SPECC1L: variants seen among roughly 807,000 people sequenced by gnomAD.
SPECC1L encodes cytospin-A.
In SPECC1L, 40 loss-of-function variants were observed where a neutral mutation model predicts 116.8. The ratio of observed to expected loss-of-function variants is 0.34; its 90% CI spans 0.27 to 0.45. The LOEUF is 0.45. SPECC1L is among the 20% of genes least tolerant of loss of function. The pLI is 1.00. For synonymous variants in SPECC1L, 504 were observed against 500.6 expected, an observed-to-expected ratio of 1.01 and a Z score of -0.09; for missense variants, 1,110 against 1,373.6, an observed-to-expected ratio of 0.81 and a Z score of 3.03.
chr22:24,363,469 C>A, intron 12 of SPECC1L, 125 bp downstream of exon 12: 1 of 843,254 alleles, frequency 1.2e-6, no homozygotes, highest in Non-Finnish European at 2.0e-6. Context: ...TCAAGCTGTC[C>A]TCTCACCTTG....
chr22:24,291,518 G>T (rs1330418591), intron 2 of SPECC1L, among the ~76,000 whole-genome samples: 1 of 152,130 alleles, frequency 6.6e-6, no homozygotes, highest in African/African-American at 2.4e-5. Context: ...TAAGTAGTAG[G>T]TAAAAACAAT....
chr22:24,289,696 C>G (rs62233074), intron 2 of SPECC1L, among the ~76,000 whole-genome samples: 1 of 150,304 alleles, frequency 6.7e-6, no homozygotes, highest in African/African-American at 2.4e-5. Flanking sequence ...ATAACTACCT[C>G]CTTTTTTTTT....
intron 4 of SPECC1L, among the ~76,000 whole-genome samples, chr22:24,320,086 C>T (rs1905471899): frequency 6.6e-6 from 1 of 152,122 alleles, no homozygotes; most frequent in Non-Finnish European, 1.5e-5. Flanking sequence ...CCAGCCTGGC[C>T]AACATGGTGA....
At chr22:24,320,741 G>A (rs2040704511) in intron 4 of SPECC1L, among the ~76,000 whole-genome samples, 1 of 152,174 alleles carries the variant, frequency 6.6e-6, no homozygotes, top group Non-Finnish European at 1.5e-5. Flanking sequence ...GCATTTTATG[G>A]TGTTAAAACT....
chr22:24,283,250 T>G (rs886082689), intron 2 of SPECC1L, among the ~76,000 whole-genome samples: 1 of 151,696 alleles, frequency 6.6e-6, no homozygotes, highest in African/African-American at 2.4e-5. Flanking sequence ...GGCTAATTTT[T>G]TGTCTTTTTA....
chr22:24,302,898 C>T (rs1206512209), intron 3 of SPECC1L, among the ~76,000 whole-genome samples: 1 of 152,114 alleles, frequency 6.6e-6, no homozygotes, highest in African/African-American at 2.4e-5. Flanking sequence ...CTGTCACCAC[C>T]ACAAATTGCT....
chr22:24,330,528 ATACT>A (rs2040916842), intron 8 of SPECC1L, 97 bp downstream of exon 8: 4 of 1,343,486 alleles, frequency 3.0e-6, no homozygotes, highest in East Asian at 4.7e-5. Context: ...GTGGAGTTTG[ATACT>A]TACTGAGTTT....
intron 11 of SPECC1L, among the ~76,000 whole-genome samples, chr22:24,351,328 C>T (rs1269930178): frequency 2.0e-5 from 3 of 152,182 alleles, no homozygotes; most frequent in Non-Finnish European, 2.9e-5. Context: ...CAAAGACTAC[C>T]GTTTAATTAT....
At chr22:24,330,234 A>C in intron 7 of SPECC1L, 22 bp from the exon 8 acceptor site, 3 of 1,612,972 alleles carry the variant, frequency 1.9e-6, no homozygotes, top group African/African-American at 1.3e-5. Flanking sequence ...TTTGGAAATA[A>C]AAAGTTAGTT....
chr22:24,405,996 G>A (rs1032530572), intron 14 of SPECC1L, among the ~76,000 whole-genome samples: 3 of 152,136 alleles, frequency 2.0e-5, no homozygotes, highest in Admixed American at 6.5e-5. Flanking sequence ...ACCCCTGTCC[G>A]CAAGCTTCAT....
chr22:24,318,959 C>T (rs537064605), intron 4 of SPECC1L, among the ~76,000 whole-genome samples: 3 of 151,732 alleles, frequency 2.0e-5, no homozygotes, highest in Admixed American at 2.0e-4. Flanking sequence ...CCATTTTTGG[C>T]CTCCGTATAC....
At chr22:24,277,913 A>T (rs2048868328) in intron 2 of SPECC1L, among the ~76,000 whole-genome samples, 1 of 152,244 alleles carries the variant, frequency 6.6e-6, no homozygotes, top group Admixed American at 6.5e-5. Flanking sequence ...CTGGGAATTG[A>T]ATTGCTGGGT....
At position 24,401,789 on chromosome 22, in the gene SPECC1L, G is replaced by C. The variant is rs145040542; in HGVS notation, c.3088-9799G>C. Reference sequence around the variant, plus strand: ...TTGGCTGTGGATTCAGATCACCTGGGTACCTTTAAAGAACATTATGCCCTG... The same window carrying C: ...TTGGCTGTGGATTCAGATCACCTGGCTACCTTTAAAGAACATTATGCCCTG... On this transcript the variant is annotated intron_variant, in intron 14 of 16. Coordinates refer to ENST00000314328, the MANE Select transcript of SPECC1L (RefSeq NM_015330.6). Among the ~76,000 whole-genome samples the C allele has an allele frequency of 3.6e-4, 55 of 152,248 alleles. No individual in the cohort carries two copies. The East Asian group carries it at 0.01, about 28-fold the overall frequency.
chr22:24,326,527 G>C (rs529983374), intron 6 of SPECC1L, among the ~76,000 whole-genome samples: 1 of 152,174 alleles, frequency 6.6e-6, no homozygotes. Context: ...TTCGTTTGCA[G>C]GTTGAGTCTG....
intron 9 of SPECC1L, among the ~76,000 whole-genome samples, chr22:24,335,363 A>G (rs1425812974): frequency 6.6e-6 from 1 of 151,984 alleles, no homozygotes; most frequent in Non-Finnish European, 1.5e-5. Context: ...ACCCCTGCCT[A>G]CTCTTTGCCT....
chr22:24,415,106 C>A lies in SPECC1L; in HGVS notation c.*483C>A, dbSNP rs192993112. ...GTCAGCGCCTGGCAGTTCCCAGCGC[C>A]CTGGGCCCTTCACCGTCCTAGTTTG... On this transcript the variant is annotated 3_prime_UTR_variant, in exon 17 of 17. Transcript: ENST00000314328. The A allele has an allele frequency of 4.7e-6, 1 of 213,240 alleles. No individual in the cohort carries two copies. The highest frequency in any genetic ancestry group is 2.3e-5 in the African/African-American group (1 of 44,054). The allele number at this position is 213,240 out of a possible 1,614,324, so 13.2% of individuals were successfully genotyped here. A position where few individuals can be genotyped will look rare whatever the true frequency, so the allele number is the denominator to read the frequency against.
chr22:24,279,378 T>G (rs1354412454), intron 2 of SPECC1L, among the ~76,000 whole-genome samples: 1 of 152,050 alleles, frequency 6.6e-6, no homozygotes, highest in Non-Finnish European at 1.5e-5. Flanking sequence ...TAAAAAAAAT[T>G]TGACTTTGTT....
intron 5 of SPECC1L, chr22:24,323,208 C>A: frequency 1.5e-6 from 1 of 673,146 alleles, no homozygotes; most frequent in Non-Finnish European, 1.8e-6. Flanking sequence ...CTGAGTATTC[C>A]TATGGAGCGG....
chr22:24,369,746 A>T (rs191555627), intron 14 of SPECC1L, among the ~76,000 whole-genome samples: 29 of 152,218 alleles, frequency 1.9e-4, no homozygotes, highest in Admixed American at 1.8e-3. Flanking sequence ...TAAGTTTGTT[A>T]CCTTTCCACA....
Sources: gnomAD v4.1 joint callset for allele counts (sites outside exome capture counted in the v4.1 genomes callset) on GRCh38, gnomAD v4.1.1 for gene constraint, MANE v1.5 for transcripts, NCBI Gene and HGNC (gene_info 2026-07-23, HGNC 2026-07-21) for gene names.